The following MYCT1 variants were observed in gnomAD, a reference collection of about 807,000 sequenced individuals.
The protein encoded by MYCT1 is MYC target 1.
Under a neutral mutation model 15.0 loss-of-function variants are expected in MYCT1, and 12 were observed. That is an observed-to-expected ratio of 0.80 (90% CI 0.51 to 1.29). The LOEUF is 1.29. Among genes scored for constraint, MYCT1 ranks in the 50% most tolerant of loss-of-function variants. The pLI is 0.00. For synonymous variants in MYCT1, 104 were observed against 102.7 expected (o/e 1.01, Z -0.07); for missense variants, 287 against 279.1 (o/e 1.03, Z -0.20).
At chr6:152,743,813 A>G in the MYCT1 span, among the ~76,000 whole-genome samples, 1 of 152,226 alleles carries the variant, frequency 6.6e-6, no homozygotes, top group South Asian at 2.1e-4. Context: ...GCTGAAAATG[A>G]TGGTTTTATG....
chr6:152,726,492 A>T (rs567252852), downstream of MYCT1, among the ~76,000 whole-genome samples: 5 of 151,620 alleles, frequency 3.3e-5, no homozygotes, highest in Non-Finnish European at 7.4e-5. Flanking sequence ...AGTGGGACCC[A>T]TGCCTCATGG....
chr6:152,739,951 T>G, the MYCT1 span, among the ~76,000 whole-genome samples: 2 of 152,108 alleles, frequency 1.3e-5, no homozygotes, highest in Admixed American at 1.3e-4. Context: ...TTCTTTCTCT[T>G]TAGAATTCTT....
the MYCT1 span, among the ~76,000 whole-genome samples, chr6:152,740,021 T>C: frequency 6.6e-6 from 1 of 152,036 alleles, no homozygotes; most frequent in Non-Finnish European, 1.5e-5. Flanking sequence ...AAATATTTTA[T>C]ATATGTATAT....
In MYCT1 at chr6:152,721,848, T is replaced by C. The variant is rs2099724763; in HGVS notation, c.303T>C (p.Ala101=). The change falls in exon 2 of 2, where the codon GCT becomes GCC. Residue 101 remains alanine (A), a synonymous_variant. Coordinates refer to ENST00000367245, the MANE Select transcript of MYCT1 (RefSeq NM_025107.3). The part of the protein sequence containing the change: ...ICLSRRRRAS[A]PISQWSSSRR... ...TGTCTCGAAGAAGAAGAGCCAGTGC[T>C]CCCATCTCACAGTGGAGTTCAAGCA... 6.2e-7 allele frequency: 1 copy of C among 1,614,062 alleles called. No homozygotes were observed. Among genetic ancestry groups the C allele is most frequent in the Non-Finnish European group, 8.5e-7 (1 of 1,180,020 alleles).
At chr6:152,738,164 G>T in the MYCT1 span, among the ~76,000 whole-genome samples, 1 of 151,914 alleles carries the variant, frequency 6.6e-6, no homozygotes, top group Non-Finnish European at 1.5e-5. Flanking sequence ...TAAAAGCATG[G>T]AAAATGTCTG....
rs139586769 is a variant in MYCT1 at position 152,717,555 on chromosome 6, A to G, written c.197-4187A>G. Among the ~76,000 whole-genome samples, 5 of 152,162 alleles carry G rather than the reference A, an allele frequency of 3.3e-5. No homozygotes were observed. In the East Asian group the frequency reaches 9.7e-4, roughly 30 times the overall value. ...GTAAGTCTCACGAGATCTGATGGTT[A>G]TTATGAGGGGGAGTTTTCCTGCACA... On this transcript the variant is annotated intron_variant, in intron 1 of 1. Transcript: ENST00000367245.
the MYCT1 span, among the ~76,000 whole-genome samples, chr6:152,738,416 C>T: frequency 6.6e-6 from 1 of 151,900 alleles, no homozygotes; most frequent in South Asian, 2.1e-4. Context: ...TTAATATTGT[C>T]GTTTTTATCT....
chr6:152,716,398 A>G (rs948034743), intron 1 of MYCT1, among the ~76,000 whole-genome samples: 8 of 152,278 alleles, frequency 5.3e-5, no homozygotes, highest in Middle Eastern at 3.4e-3. Flanking sequence ...CATTGAACTT[A>G]TGATTCTTAA....
At chr6:152,740,554 G>T in the MYCT1 span, among the ~76,000 whole-genome samples, 16 of 152,200 alleles carry the variant, frequency 1.1e-4, 1 homozygote, top group Middle Eastern at 0.01. Flanking sequence ...TAATAAAATA[G>T]TTCTAACTTT....
downstream of MYCT1, among the ~76,000 whole-genome samples, chr6:152,728,893 G>A (rs2099726102): frequency 6.6e-6 from 1 of 152,152 alleles, no homozygotes; most frequent in African/African-American, 2.4e-5. Flanking sequence ...GTGACAGAGT[G>A]AGACCCTGTC....
chr6:152,717,428 C>A (rs2099723879), intron 1 of MYCT1, among the ~76,000 whole-genome samples: 2 of 152,152 alleles, frequency 1.3e-5, no homozygotes, highest in South Asian at 4.1e-4. Context: ...TGTGTCCCCA[C>A]CCAAATCTCA....
At chr6:152,746,918 C>A in the MYCT1 span, among the ~76,000 whole-genome samples, 29 of 152,188 alleles carry the variant, frequency 1.9e-4, no homozygotes, top group African/African-American at 6.3e-4. Context: ...AAGTTGTCCT[C>A]GATCATATCA....
downstream of MYCT1, among the ~76,000 whole-genome samples, chr6:152,725,707 G>T (rs79296392): frequency 9.9e-3 from 1,509 of 152,354 alleles, 13 homozygotes; most frequent in Non-Finnish European, 0.017. Flanking sequence ...TTGGAAGGCA[G>T]TTTGATGAAA....
At chr6:152,717,995 T>C (rs1251502882) in intron 1 of MYCT1, among the ~76,000 whole-genome samples, 1 of 152,224 alleles carries the variant, frequency 6.6e-6, no homozygotes, top group Non-Finnish European at 1.5e-5. Flanking sequence ...ATTCATTATT[T>C]AATCCTTTTT....
the MYCT1 span, among the ~76,000 whole-genome samples, chr6:152,745,485 G>A: frequency 6.6e-6 from 1 of 152,066 alleles, no homozygotes; most frequent in Middle Eastern, 3.2e-3. Context: ...AGTTTAACTT[G>A]ATCATTTCTA....
Position 152,713,082 on chromosome 6 carries a change from G to A in MYCT1, c.197-8660G>A, listed in dbSNP as rs1479325357. 2.6e-5 allele frequency among the ~76,000 whole-genome samples: 4 copies of A among 151,926 alleles called. No individual in the cohort carries two copies. In the East Asian group the frequency reaches 7.7e-4, roughly 29 times the overall value. ...ATAGTTCCACAAGGCCTAGAGGCTT[G>A]CTTTTTCCCCCCAATATTTTTCTCC... On this transcript the variant is annotated intron_variant, in intron 1 of 1. Transcript: ENST00000367245.
chr6:152,729,954 G>A, the MYCT1 span, among the ~76,000 whole-genome samples: 1 of 152,086 alleles, frequency 6.6e-6, no homozygotes, highest in African/African-American at 2.4e-5. Flanking sequence ...AAATTTAAAA[G>A]CCCCTTTCTT....
the MYCT1 span, among the ~76,000 whole-genome samples, chr6:152,733,408 C>T: frequency 5.9e-5 from 9 of 152,286 alleles, no homozygotes; most frequent in East Asian, 7.7e-4. Context: ...TGGCCTTCCA[C>T]GGTTTTCTTA....
chr6:152,740,030 A>G, the MYCT1 span, among the ~76,000 whole-genome samples: 2 of 151,910 alleles, frequency 1.3e-5, no homozygotes, highest in South Asian at 2.1e-4. Flanking sequence ...ATATATGTAT[A>G]TTGTTATTGT....
Sources: allele counts gnomAD v4.1 joint callset (sites outside exome capture counted in the v4.1 genomes callset), GRCh38; gene constraint gnomAD v4.1.1; transcripts MANE v1.5; gene names NCBI Gene and HGNC (gene_info 2026-07-23, HGNC 2026-07-21).